CCDC102B: variants seen among roughly 807,000 people sequenced by gnomAD.
CCDC102B encodes the protein coiled-coil domain containing 102B.
CCDC102B carries 75 observed loss-of-function variants against 57.4 expected under a neutral mutation model. The ratio of observed to expected loss-of-function variants is 1.31; its 90% CI spans 1.08 to 1.58. The LOEUF (loss-of-function observed/expected upper bound fraction) is 1.58, where lower values mean the gene tolerates loss of function less well. CCDC102B is among the 40% of genes most tolerant of loss of function. CCDC102B has a pLI of 0.00. For missense variants in CCDC102B, 636 were observed against 582.6 expected, an observed-to-expected ratio of 1.09 and a Z score of -0.94; for synonymous variants, 206 against 201.9, an observed-to-expected ratio of 1.02 and a Z score of -0.17.
intron 6 of CCDC102B, among the ~76,000 whole-genome samples, chr18:68,972,926 AT>A (rs953903653): frequency 6.6e-6 from 1 of 152,158 alleles, no homozygotes; most frequent in African/African-American, 2.4e-5. Flanking sequence ...AGGAACATAT[AT>A]TTGCAATTTG....
chr18:68,778,881 G>GA (rs10652625), intron 2 of CCDC102B, among the ~76,000 whole-genome samples: 83,795 of 132,902 alleles, frequency 0.63, 25,907 homozygotes, highest in Non-Finnish European at 0.71. Flanking sequence ...AAGAAAACCA[G>GA]AAAAAAAAAA....
chr18:68,735,966 C>T (rs2033106760), intron 2 of CCDC102B, among the ~76,000 whole-genome samples: 1 of 150,910 alleles, frequency 6.6e-6, no homozygotes, highest in African/African-American at 2.4e-5. Context: ...GCAGGCTTGT[C>T]AGCAGCATTC....
intron 6 of CCDC102B, among the ~76,000 whole-genome samples, chr18:68,980,970 C>T (rs997888555): frequency 6.6e-6 from 1 of 151,942 alleles, no homozygotes; most frequent in Non-Finnish European, 1.5e-5. Flanking sequence ...CATTATAAGT[C>T]CCAATAAGGA....
At chr18:68,826,263 G>T (rs562779528) in intron 1 of CCDC102B, among the ~76,000 whole-genome samples, 1 of 152,194 alleles carries the variant, frequency 6.6e-6, no homozygotes, top group Non-Finnish European at 1.5e-5. Context: ...GATCTGCAGT[G>T]GATTGAAGAC....
At chr18:68,909,433 G>A (rs546191244) in intron 6 of CCDC102B, among the ~76,000 whole-genome samples, 54 of 152,292 alleles carry the variant, frequency 3.5e-4, no homozygotes, top group Admixed American at 3.2e-3. Flanking sequence ...AGGATCACCA[G>A]TAAAGACTGG....
In CCDC102B at chr18:68,911,738, C is replaced by A. The variant is rs368768992; in HGVS notation, c.1263+14310C>A. On this transcript the variant is annotated intron_variant, in intron 6 of 7. Coordinates refer to ENST00000360242, the MANE Select transcript of CCDC102B (RefSeq NM_024781.3). ...CTGCACTCCAGCCTGGGCGACAGAG[C>A]GAGACTCCGTCTCAAAAAAAAAAAA... 1.6e-4 allele frequency among the ~76,000 whole-genome samples: 9 copies of A among 56,798 alleles called. No homozygotes were observed. In the South Asian group the frequency reaches 1.7e-3, roughly 10 times the overall value. 37.3% of individuals were successfully genotyped at this position (56,798 alleles called of 152,430 possible).
At chr18:68,898,680 A>G (rs1393958401) in intron 6 of CCDC102B, among the ~76,000 whole-genome samples, 1 of 152,152 alleles carries the variant, frequency 6.6e-6, no homozygotes. Context: ...ACTGTTCTAT[A>G]TGCAGGTAAT....
intron 7 of CCDC102B, among the ~76,000 whole-genome samples, chr18:69,011,623 A>G (rs533692259): frequency 2.6e-5 from 4 of 152,130 alleles, no homozygotes; most frequent in Admixed American, 1.3e-4. Context: ...TTCACAGCAC[A>G]CAGTTACAAC....
intron 7 of CCDC102B, among the ~76,000 whole-genome samples, chr18:69,030,899 T>C (rs965725374): frequency 6.6e-6 from 1 of 152,164 alleles, no homozygotes; most frequent in Non-Finnish European, 1.5e-5. Flanking sequence ...ATGATCCGCC[T>C]GCCTTGGCCT....
intron 6 of CCDC102B, among the ~76,000 whole-genome samples, chr18:68,977,905 A>G (rs907797050): frequency 5.3e-5 from 8 of 152,022 alleles, no homozygotes; most frequent in African/African-American, 1.7e-4. Context: ...GGAGACGCTG[A>G]ACACAGTAAC....
chr18:68,829,863 T>C (rs986856021), intron 1 of CCDC102B, among the ~76,000 whole-genome samples: 1 of 151,980 alleles, frequency 6.6e-6, no homozygotes, highest in Non-Finnish European at 1.5e-5. Flanking sequence ...GAAATCTCGA[T>C]GAATTCAGTA....
intron 1 of CCDC102B, among the ~76,000 whole-genome samples, chr18:68,818,363 T>C (rs534289877): frequency 1.3e-5 from 2 of 152,348 alleles, no homozygotes; most frequent in East Asian, 1.9e-4. Context: ...ACTTAGCAAT[T>C]GGCTGCTTTC....
At chr18:68,918,880 A>C (rs755680470) in intron 6 of CCDC102B, among the ~76,000 whole-genome samples, 11 of 152,160 alleles carry the variant, frequency 7.2e-5, no homozygotes, top group Non-Finnish European at 1.2e-4. Context: ...CTTTAAGAAA[A>C]ACCAGAGAAT....
chr18:68,716,335 C>T (rs1220759502), intron 1 of CCDC102B, among the ~76,000 whole-genome samples: 1 of 151,822 alleles, frequency 6.6e-6, no homozygotes. Context: ...CTGTCTTCCA[C>T]AGCATGCAAA....
rs752284624 is a variant in CCDC102B at position 68,837,152 on chromosome 18, C to T, written c.389C>T (p.Ala130Val). 1.4e-5 allele frequency: 23 copies of T among 1,613,828 alleles called. No individual in the cohort carries two copies. The highest frequency in any genetic ancestry group is 8.3e-5 in the Admixed American group (5 of 59,968). ...CAACTCAGAATAAAACTAGAGATGG[C>T]GATGAAAGAATTGAGTACACTGAAA... is the stretch of plus-strand genomic sequence containing the variant. ...GRQLRIKLEM[A>V]MKELSTLKKK... Residue 130 changes from alanine to valine, a missense_variant, in exon 2 of 8, where the codon GCG becomes GTG. By Grantham distance (64) the Ala-to-Val change is moderately conservative. Transcript: ENST00000360242.
chr18:68,852,502 A>G (rs960759578), intron 4 of CCDC102B, among the ~76,000 whole-genome samples: 4 of 152,080 alleles, frequency 2.6e-5, no homozygotes, highest in Non-Finnish European at 4.4e-5. Context: ...TTCCTAATAC[A>G]CCATTTCTAG....
rs554245640 is a variant in CCDC102B, at chr18:68,784,693, T to A, written c.-66-38673T>A. Among the ~76,000 whole-genome samples, 612 of 152,338 alleles carry A rather than the reference T, an allele frequency of 4.0e-3. 2 individuals carry two copies. The highest frequency in any genetic ancestry group is 0.013 in the African/African-American group (534 of 41,586). ...ATTTTCTACATATATACATTTTTAATTCCCAAAATCTCCTTCAGTAAAACA... is the reference window on the plus strand; with the variant it reads ...ATTTTCTACATATATACATTTTTAAATCCCAAAATCTCCTTCAGTAAAACA... On this transcript the variant is annotated intron_variant, in intron 2 of 3. Transcript: ENST00000578970.
chr18:68,856,642 G>A (rs981787787), intron 4 of CCDC102B, among the ~76,000 whole-genome samples: 1 of 152,040 alleles, frequency 6.6e-6, no homozygotes, highest in Admixed American at 6.6e-5. Context: ...TGTATTAGCT[G>A]AAGGACTCAG....
intron 7 of CCDC102B, among the ~76,000 whole-genome samples, chr18:69,019,706 G>A (rs2051772805): frequency 6.6e-6 from 1 of 152,010 alleles, no homozygotes; most frequent in Non-Finnish European, 1.5e-5. Flanking sequence ...AATTTAGACA[G>A]CTTTCATTTC....
Sources: gnomAD v4.1 joint callset for allele counts (sites outside exome capture counted in the v4.1 genomes callset) on GRCh38, gnomAD v4.1.1 for gene constraint, MANE v1.5 for transcripts, NCBI Gene and HGNC (gene_info 2026-07-23, HGNC 2026-07-21) for gene names.